Variants in AGTR1 observed in about 807,000 individuals in gnomAD.
AGTR1 encodes the protein type-1 angiotensin II receptor.
Under a neutral mutation model 19.4 loss-of-function variants are expected in AGTR1, and 16 were observed. The ratio of observed to expected loss-of-function variants is 0.82; its 90% CI spans 0.56 to 1.25. The LOEUF is 1.25. Ranked by LOEUF, AGTR1 falls within the 50% of genes most tolerant of loss-of-function variation. AGTR1 has a pLI of 0.00. For synonymous variants in AGTR1, 153 were observed against 154.9 expected, an observed-to-expected ratio of 0.99 and a Z score of 0.09; for missense variants, 373 against 431.9, an observed-to-expected ratio of 0.86 and a Z score of 1.21.
At chr3:148,739,693 C>A (rs968275488) in intron 2 of AGTR1, 54 of 1,084,182 alleles carry the variant, frequency 5.0e-5, no homozygotes, top group Non-Finnish European at 5.8e-5. Flanking sequence ...CCCTTTGCAC[C>A]AAAGTGAACA....
chr3:148,703,905 T>C (rs950098978), intron 1 of AGTR1, among the ~76,000 whole-genome samples: 1 of 152,132 alleles, frequency 6.6e-6, no homozygotes, highest in Non-Finnish European at 1.5e-5. Flanking sequence ...AGTGCAATAA[T>C]GGGAAATTCT....
chr3:148,704,164 C>A (rs912845909), intron 1 of AGTR1, among the ~76,000 whole-genome samples: 1 of 151,930 alleles, frequency 6.6e-6, no homozygotes, highest in Non-Finnish European at 1.5e-5. Flanking sequence ...GCTGAGGCAA[C>A]AAACTGAGAC....
intron 1 of AGTR1, among the ~76,000 whole-genome samples, chr3:148,705,502 G>A (rs533946129): frequency 4.6e-5 from 7 of 151,900 alleles, no homozygotes; most frequent in Non-Finnish European, 1.0e-4. Context: ...CCAGCCCTCA[G>A]TTACACAGTT....
chr3:148,732,934 G>A (rs1443923754), intron 2 of AGTR1, among the ~76,000 whole-genome samples: 2 of 151,124 alleles, frequency 1.3e-5, no homozygotes, highest in Admixed American at 6.6e-5. Context: ...TAGAGACGGG[G>A]TTTCACCGTT....
chr3:148,709,628 C>T (rs12721301), intron 2 of AGTR1, among the ~76,000 whole-genome samples: 12 of 152,206 alleles, frequency 7.9e-5, no homozygotes, highest in Non-Finnish European at 1.8e-4. Context: ...CAACTTTGCC[C>T]TGGTTTTCCT....
Position 148,741,418 on chromosome 3 carries a change from T to C in AGTR1, c.383T>C (p.Leu128Pro). Residue 128 changes from leucine to proline, a missense_variant, in exon 3 of 3, where the codon CTG becomes CCG. Physicochemically the swap from Leu to Pro is moderately conservative, Grantham distance 98. Transcript: ENST00000349243. ...ACGTGTCTCAGCATTGATCGATACC[T>C]GGCTATTGTTCACCCAATGAAGTCC... is the stretch of plus-strand genomic sequence containing the variant. The part of the protein sequence containing the change: ...LLTCLSIDRY[L>P]AIVHPMKSRL... The C allele has an allele frequency of 6.2e-7, 1 of 1,605,466 alleles. No individual in the cohort carries two copies. The highest frequency in any genetic ancestry group is 8.5e-7 in the Non-Finnish European group (1 of 1,178,974).
At chr3:148,732,457 A>C (rs942641504) in intron 2 of AGTR1, among the ~76,000 whole-genome samples, 2 of 152,200 alleles carry the variant, frequency 1.3e-5, no homozygotes, top group African/African-American at 4.8e-5. Context: ...TCTTATGTTG[A>C]GTTTCTTTAT....
At position 148,711,205 on chromosome 3, in the gene AGTR1, G is replaced by A. The variant is rs78019185; in HGVS notation, c.-48+3178G>A. Among the ~76,000 whole-genome samples, 1,281 of 152,190 alleles carry A rather than the reference G, an allele frequency of 8.4e-3. 11 individuals are homozygous for A. The highest frequency in any genetic ancestry group is 0.013 in the Non-Finnish European group (917 of 68,020). ...CTTAATCACTATTTGTCACTAATACGATAACATTAATAAAATTTGAGTCTC... is the reference window on the plus strand; with the variant it reads ...CTTAATCACTATTTGTCACTAATACAATAACATTAATAAAATTTGAGTCTC... On this transcript the variant is annotated intron_variant, in intron 2 of 2. Coordinates refer to ENST00000349243, the MANE Select transcript of AGTR1 (RefSeq NM_000685.5).
chr3:148,721,248 G>C lies in AGTR1; in HGVS notation c.-48+13221G>C, dbSNP rs1042753745. On this transcript the variant is annotated intron_variant, in intron 2 of 2. Coordinates refer to ENST00000349243, the MANE Select transcript of AGTR1 (RefSeq NM_000685.5). ...GTAAAAGCCCACTCTCAGTGTATGA[G>C]TGTTCCTTTGCCTAATCATGTAGAC... Among the ~76,000 whole-genome samples the C allele has an allele frequency of 2.0e-5, 3 of 152,312 alleles. No individual in the cohort carries two copies. In the South Asian group the frequency reaches 6.2e-4, roughly 32 times the overall value.
At chr3:148,734,032 C>T (rs1714433795) in intron 2 of AGTR1, among the ~76,000 whole-genome samples, 1 of 151,364 alleles carries the variant, frequency 6.6e-6, no homozygotes, top group East Asian at 1.9e-4. Context: ...ATAAAAACGA[C>T]AAAAACAGCT....
At chr3:148,712,535 C>A (rs151253122) in intron 2 of AGTR1, among the ~76,000 whole-genome samples, 6 of 152,280 alleles carry the variant, frequency 3.9e-5, no homozygotes, top group African/African-American at 1.4e-4. Flanking sequence ...TGATCTAGAG[C>A]TTGCACCTTT....
Position 148,741,998 on chromosome 3 carries a change from C to T in AGTR1, c.963C>T (p.Pro321=), listed in dbSNP as rs755792643. 1.2e-6 allele frequency: 2 copies of T among 1,613,310 alleles called. No homozygotes were observed. Among genetic ancestry groups the T allele is most frequent in the African/African-American group, 2.7e-5 (2 of 74,736 alleles). Residue 321 remains proline (P), a synonymous_variant, in exon 3 of 3, where the codon CCC becomes CCT. Coordinates refer to ENST00000349243, the MANE Select transcript of AGTR1 (RefSeq NM_000685.5). ...TTCTCCAGCTTCTAAAATATATTCC[C>T]CCAAAAGCCAAATCCCACTCAAACC... The part of the protein sequence containing the change: ...RYFLQLLKYI[P]PKAKSHSNLS...
At chr3:148,718,506 C>T (rs1285854808) in intron 2 of AGTR1, among the ~76,000 whole-genome samples, 1 of 152,144 alleles carries the variant, frequency 6.6e-6, no homozygotes, top group African/African-American at 2.4e-5. Context: ...TGAAAATCTC[C>T]AGGTGAACAT....
chr3:148,735,688 TA>T (rs1169153186), intron 2 of AGTR1, among the ~76,000 whole-genome samples: 1 of 152,160 alleles, frequency 6.6e-6, no homozygotes, highest in African/African-American at 2.4e-5. Context: ...CTAGAAATAT[TA>T]GTGCCAATTT....
intron 2 of AGTR1, among the ~76,000 whole-genome samples, chr3:148,709,034 C>G (rs979184187): frequency 1.3e-5 from 2 of 152,150 alleles, no homozygotes; most frequent in African/African-American, 4.8e-5. Flanking sequence ...ATTTAGAATG[C>G]CTTTAATCTT....
chr3:148,711,807 G>A (rs1165536154), intron 2 of AGTR1, among the ~76,000 whole-genome samples: 1 of 152,086 alleles, frequency 6.6e-6, no homozygotes, highest in Non-Finnish European at 1.5e-5. Flanking sequence ...AGAGTGTAGT[G>A]GCATGATCAT....
chr3:148,700,061 C>T (rs1712247040), intron 1 of AGTR1, among the ~76,000 whole-genome samples: 1 of 152,186 alleles, frequency 6.6e-6, no homozygotes, highest in South Asian at 2.1e-4. Flanking sequence ...CTTTCTCTCT[C>T]TTATCGTGGG....
At chr3:148,720,920 G>GT (rs1184840441) in intron 2 of AGTR1, among the ~76,000 whole-genome samples, 1 of 152,090 alleles carries the variant, frequency 6.6e-6, no homozygotes, top group Non-Finnish European at 1.5e-5. Context: ...TTAAATTAAG[G>GT]TGTAAATAAG....
chr3:148,735,901 A>T (rs1302773378), intron 2 of AGTR1, among the ~76,000 whole-genome samples: 1 of 152,236 alleles, frequency 6.6e-6, no homozygotes, highest in Admixed American at 6.5e-5. Flanking sequence ...AATGGCTTAC[A>T]AACATTTTCC....
Sources: allele counts gnomAD v4.1 joint callset (sites outside exome capture counted in the v4.1 genomes callset), GRCh38; gene constraint gnomAD v4.1.1; transcripts MANE v1.5; gene names NCBI Gene and HGNC (gene_info 2026-07-23, HGNC 2026-07-21).